The following GPHN variants were observed in gnomAD, a reference collection of about 807,000 sequenced individuals.
GPHN encodes the protein gephyrin.
Under a neutral mutation model 95.5 loss-of-function variants are expected in GPHN, and 17 were observed. The ratio of observed to expected loss-of-function variants is 0.18; its 90% CI spans 0.12 to 0.27. GPHN has a LOEUF of 0.27. Ranked by LOEUF, GPHN falls within the 10% of genes least tolerant of loss-of-function variation. GPHN has a pLI of 1.00. For synonymous variants in GPHN, 320 were observed against 322.5 expected, an observed-to-expected ratio of 0.99 and a Z score of 0.08; for missense variants, 660 against 978.1, an observed-to-expected ratio of 0.67 and a Z score of 4.34.
chr14:66,545,371 G>A (rs1156329306), intron 1 of GPHN, among the ~76,000 whole-genome samples: 2 of 143,388 alleles, frequency 1.4e-5, no homozygotes, highest in Admixed American at 1.4e-4. Flanking sequence ...GGGGCGACTG[G>A]CCAGGCGGGG....
the GPHN span, among the ~76,000 whole-genome samples, chr14:67,676,067 A>AG: frequency 1.3e-5 from 2 of 152,232 alleles, no homozygotes; most frequent in Non-Finnish European, 2.9e-5. Context: ...ACCACACTCC[A>AG]GCCTGGGTGA....
At chr14:67,360,353 A>T in the GPHN span, 1 of 397,348 alleles carries the variant, frequency 2.5e-6, no homozygotes, top group Non-Finnish European at 4.4e-6. Flanking sequence ...AGCGAAGCGC[A>T]CGCTGAGGAG....
the GPHN span, among the ~76,000 whole-genome samples, chr14:67,724,135 G>T: frequency 6.6e-6 from 1 of 152,222 alleles, no homozygotes; most frequent in Non-Finnish European, 1.5e-5. Flanking sequence ...AGAGGGGAAA[G>T]CTTTCCTCTG....
At chr14:66,508,941 A>G (rs2057910895) in intron 1 of GPHN, 1 of 361,572 alleles carries the variant, frequency 2.8e-6, no homozygotes, top group Non-Finnish European at 5.3e-6. Context: ...AGTCTGAAGC[A>G]TGCCGCTCTC....
chr14:67,504,620 C>T, the GPHN span, among the ~76,000 whole-genome samples: 2 of 152,170 alleles, frequency 1.3e-5, no homozygotes, highest in Non-Finnish European at 2.9e-5. Context: ...TGTGCGGTGG[C>T]TCACACCTGT....
chr14:67,292,653 A>G, the GPHN span: 8 of 1,613,806 alleles, frequency 5.0e-6, no homozygotes, highest in Non-Finnish European at 5.9e-6. Context: ...ATGCCATCAC[A>G]GTACACATGA....
At chr14:66,985,700 G>A in intron 9 of GPHN, 1 of 1,531,570 alleles carries the variant, frequency 6.5e-7, no homozygotes. Context: ...ACGGCCGGAT[G>A]AAAGCAAAGG....
the GPHN span, among the ~76,000 whole-genome samples, chr14:67,514,103 G>A: frequency 2.0e-5 from 3 of 152,102 alleles, no homozygotes; most frequent in Non-Finnish European, 4.4e-5. Flanking sequence ...TTGGTGAGCA[G>A]AGCCCCCAAG....
At chr14:67,033,735 G>A (rs1384699505) in intron 10 of GPHN, among the ~76,000 whole-genome samples, 1 of 142,940 alleles carries the variant, frequency 7.0e-6, no homozygotes, top group Non-Finnish European at 1.6e-5. Flanking sequence ...AAGTTCAAAG[G>A]ATATAACTAA....
At chr14:66,636,663 C>T (rs1199292634) in intron 1 of GPHN, among the ~76,000 whole-genome samples, 2 of 151,920 alleles carry the variant, frequency 1.3e-5, no homozygotes, top group Admixed American at 6.6e-5. Flanking sequence ...CAGAGGATCC[C>T]AAATGACACA....
At chr14:67,511,573 C>T in the GPHN span, among the ~76,000 whole-genome samples, 6 of 152,262 alleles carry the variant, frequency 3.9e-5, no homozygotes, top group South Asian at 1.2e-3. Flanking sequence ...GCTGGATGTT[C>T]AAAAACATGA....
chr14:67,221,618 A>G, the GPHN span: 1 of 570,210 alleles, frequency 1.8e-6, no homozygotes, highest in Non-Finnish European at 2.2e-6. Context: ...TTTTATTCTC[A>G]TATGTTCTAT....
chr14:67,313,640 G>C, the GPHN span, among the ~76,000 whole-genome samples: 1 of 152,134 alleles, frequency 6.6e-6, no homozygotes, highest in Non-Finnish European at 1.5e-5. Context: ...GGGATATAGA[G>C]TAAAGGGATA....
chr14:67,005,843 T>C (rs2072569853), intron 9 of GPHN, among the ~76,000 whole-genome samples: 1 of 151,776 alleles, frequency 6.6e-6, no homozygotes, highest in Admixed American at 6.6e-5. Context: ...TAAAATAATT[T>C]TATTTTACAA....
intron 1 of GPHN, among the ~76,000 whole-genome samples, chr14:66,517,543 A>G (rs574991256): frequency 1.3e-4 from 20 of 152,346 alleles, no homozygotes; most frequent in South Asian, 1.2e-3. Context: ...TTTAAAATAT[A>G]CTACAGAGTG....
At chr14:66,842,762 T>C (rs1567009195) in intron 4 of GPHN, 1 of 1,354,818 alleles carries the variant, frequency 7.4e-7, no homozygotes. Context: ...AGATTAATAA[T>C]TTTTAGTGTT....
intron 5 of GPHN, among the ~76,000 whole-genome samples, chr14:66,902,075 T>C (rs989764946): frequency 6.6e-6 from 1 of 152,038 alleles, no homozygotes; most frequent in African/African-American, 2.4e-5. Context: ...TCTTCTTGTA[T>C]AGGTCTTTCA....
At chr14:67,498,404 G>T in the GPHN span, among the ~76,000 whole-genome samples, 1 of 152,060 alleles carries the variant, frequency 6.6e-6, no homozygotes, top group Non-Finnish European at 1.5e-5. Context: ...AAGGCAAAGG[G>T]GAGACTTTGC....
intron 5 of GPHN, among the ~76,000 whole-genome samples, chr14:66,881,921 A>G (rs2063947499): frequency 6.6e-6 from 1 of 151,836 alleles, no homozygotes; most frequent in Non-Finnish European, 1.5e-5. Flanking sequence ...AACCAAGAAT[A>G]TATTTATAAA....
Sources: gnomAD v4.1 joint callset for allele counts (sites outside exome capture counted in the v4.1 genomes callset) on GRCh38, gnomAD v4.1.1 for gene constraint, MANE v1.5 for transcripts, NCBI Gene and HGNC (gene_info 2026-07-23, HGNC 2026-07-21) for gene names.